SHROOM4: variants seen among roughly 807,000 people sequenced by gnomAD.
The protein encoded by SHROOM4 is shroom family member 4.
SHROOM4 carries 17 observed loss-of-function variants against 80.3 expected under a neutral mutation model. That is an observed-to-expected ratio of 0.21 (90% CI 0.14 to 0.32). The LOEUF is 0.32. Ranked by LOEUF, SHROOM4 falls within the 10% of genes least tolerant of loss-of-function variation. The pLI is 1.00. For missense variants in SHROOM4, 993 were observed against 1,140.3 expected, an observed-to-expected ratio of 0.87 and a Z score of 1.86; for synonymous variants, 400 against 437.5, an observed-to-expected ratio of 0.91 and a Z score of 1.07.
intron 1 of SHROOM4, among the ~76,000 whole-genome samples, chrX:50,733,436 C>G (rs944859264): frequency 4.1e-4 from 46 of 111,533 alleles, no homozygotes; most frequent in Non-Finnish European, 6.8e-4. Context: ...GCTGTTATCA[C>G]TAGATTGAGT....
In SHROOM4 at chrX:50,634,643, G is replaced by T. The variant is rs1931245254; in HGVS notation, c.1430C>A (p.Thr477Asn). Residue 477 changes from threonine (T) to asparagine (N), a missense_variant, in exon 4 of 9, where the codon ACC becomes AAC. By Grantham distance (65) the Thr-to-Asn change is moderately conservative. Coordinates refer to ENST00000376020, the MANE Select transcript of SHROOM4 (RefSeq NM_020717.5). ...THDQSSKERK[T>N]RQVDDRSLVL... The stretch of plus-strand genomic sequence containing the variant: ...TAAAGACCTGTCATCCACTTGTCTG[G>T]TCTTTCTTTCTTTGCTGGACTGGTC... 8.3e-6 allele frequency: 10 copies of T among 1,211,855 alleles called. No individual in the cohort carries two copies. Among genetic ancestry groups the T allele is most frequent in the Non-Finnish European group, 1.1e-5 (10 of 895,586 alleles).
intron 1 of SHROOM4, among the ~76,000 whole-genome samples, chrX:50,712,451 TAACTCAAAGGA>T (rs1933842292): frequency 8.9e-6 from 1 of 112,024 alleles, no homozygotes; most frequent in Non-Finnish European, 1.9e-5. Context: ...GGATTATTTG[TAACTCAAAGGA>T]TAAATGCTTG....
chrX:50,696,030 G>T, intron 1 of SHROOM4, 93 bp from the exon 2 acceptor site: 1 of 1,029,809 alleles, frequency 9.7e-7, no homozygotes, highest in Non-Finnish European at 1.3e-6. Flanking sequence ...GCCACAAGTA[G>T]TACTGGGGAA....
intron 1 of SHROOM4, among the ~76,000 whole-genome samples, chrX:50,812,696 C>T (rs1184623773): frequency 9.0e-6 from 1 of 110,682 alleles, no homozygotes; most frequent in Non-Finnish European, 1.9e-5. Flanking sequence ...GTGTGTGTTG[C>T]GGTGGACGTT....
chrX:50,731,264 A>G (rs2147542814), intron 1 of SHROOM4, among the ~76,000 whole-genome samples: 1 of 110,132 alleles, frequency 9.1e-6, no homozygotes, highest in South Asian at 4.0e-4. Context: ...ATCTGAACAA[A>G]AACTGCCCCC....
At chrX:50,735,994 G>A (rs191155865) in intron 1 of SHROOM4, among the ~76,000 whole-genome samples, 22 of 104,377 alleles carry the variant, frequency 2.1e-4, no homozygotes, top group Admixed American at 6.3e-4. Context: ...GTGACAGAAC[G>A]AGACTGTTTC....
chrX:50,686,089 G>A (rs1178848148), intron 2 of SHROOM4, among the ~76,000 whole-genome samples: 2 of 110,794 alleles, frequency 1.8e-5, no homozygotes, highest in African/African-American at 6.6e-5. Flanking sequence ...GTGCAGTGGC[G>A]TGAGATCTCG....
intron 1 of SHROOM4, among the ~76,000 whole-genome samples, chrX:50,696,221 G>T (rs1408349406): frequency 1.8e-5 from 2 of 111,811 alleles, no homozygotes; most frequent in Non-Finnish European, 3.8e-5. Flanking sequence ...CTGATGCTTG[G>T]AATGAACCCT....
intron 1 of SHROOM4, among the ~76,000 whole-genome samples, chrX:50,813,243 T>A (rs1244791493): frequency 3.6e-5 from 4 of 111,124 alleles, no homozygotes; most frequent in Non-Finnish European, 5.7e-5. Flanking sequence ...GGCGCAAGTT[T>A]CCTCCACACT....
chrX:50,702,385 T>C (rs1331239576), intron 1 of SHROOM4, among the ~76,000 whole-genome samples: 1 of 111,786 alleles, frequency 8.9e-6, no homozygotes, highest in Non-Finnish European at 1.9e-5. Flanking sequence ...AAAGATTTGA[T>C]TGTTCACAGC....
At chrX:50,650,034 G>A (rs782750021) in intron 2 of SHROOM4, among the ~76,000 whole-genome samples, 330 of 112,171 alleles carry the variant, frequency 2.9e-3, no homozygotes, top group Non-Finnish European at 5.1e-3. Context: ...CATTTACATG[G>A]AGGAATAATA....
rs1557247074 is a variant in SHROOM4 at position 50,598,467 on chromosome X, C to T, written c.4011G>A (p.Glu1337=). 1.7e-6 allele frequency: 2 copies of T among 1,207,934 alleles called. No individual in the cohort carries two copies. The highest frequency in any genetic ancestry group is 5.9e-5 in the East Asian group (2 of 33,711). ...CAAGGGCAGAATTGGCATTGATGTC[C>T]TCTAGCAGCCCTCGCTGGGCCTCCC... is the stretch of plus-strand genomic sequence containing the variant. The part of the protein sequence containing the change: ...VLREAQRGLL[E]DINANSALGE... Residue 1337 remains glutamate, a synonymous_variant, in exon 8 of 9, where the codon GAG becomes GAA. Coordinates refer to ENST00000376020, the MANE Select transcript of SHROOM4 (RefSeq NM_020717.5).
chrX:50,606,889 G>A (rs187101662), intron 6 of SHROOM4, among the ~76,000 whole-genome samples: 1 of 109,881 alleles, frequency 9.1e-6, no homozygotes, highest in East Asian at 2.9e-4. Flanking sequence ...GTGGGGGGAC[G>A]AGTTTAGAAG....
Position 50,595,616 on chromosome X carries a change from G to A in SHROOM4, c.*1079C>T, listed in dbSNP as rs1929074547. The A allele has an allele frequency of 4.0e-6, 1 of 247,719 alleles. No homozygotes were observed. Among genetic ancestry groups the A allele is most frequent in the South Asian group, 4.3e-5 (1 of 23,224 alleles). The allele number at this position is 247,719 out of a possible 1,213,427, so 20.4% of individuals were successfully genotyped here. A position where few individuals can be genotyped will look rare whatever the true frequency, so the allele number is the denominator to read the frequency against. Reference sequence around the variant, plus strand: ...GCACAAGGCCAGGCCACAGTAGGGAGGCTCTGAGTTCAAGGGGAAAACTCC... The same window carrying A: ...GCACAAGGCCAGGCCACAGTAGGGAAGCTCTGAGTTCAAGGGGAAAACTCC... On this transcript the variant is annotated 3_prime_UTR_variant, in exon 9 of 9. Coordinates refer to ENST00000376020, the MANE Select transcript of SHROOM4 (RefSeq NM_020717.5).
At chrX:50,765,494 C>T (rs1227638823) in intron 1 of SHROOM4, among the ~76,000 whole-genome samples, 1 of 111,796 alleles carries the variant, frequency 8.9e-6, no homozygotes, top group African/African-American at 3.3e-5. Context: ...TCTAAAATAT[C>T]TCCTTAGTAA....
intron 1 of SHROOM4, among the ~76,000 whole-genome samples, chrX:50,787,505 T>C (rs183406532): frequency 7.5e-4 from 83 of 110,974 alleles, no homozygotes; most frequent in African/African-American, 2.6e-3. Flanking sequence ...TTCAAATAAA[T>C]AGTTGCAAAA....
At chrX:50,636,706 G>A (rs1931374371) in intron 3 of SHROOM4, among the ~76,000 whole-genome samples, 1 of 110,822 alleles carries the variant, frequency 9.0e-6, no homozygotes, top group African/African-American at 3.3e-5. Flanking sequence ...CATCTTTATG[G>A]GACAGATTAT....
chrX:50,634,454 C>A lies in SHROOM4; in HGVS notation c.1619G>T (p.Cys540Phe), dbSNP rs782678789. Residue 540 changes from cysteine (C) to phenylalanine (F), a missense_variant, in exon 4 of 9, where the codon TGT becomes TTT. By Grantham distance (205) the Cys-to-Phe change is radical. Coordinates refer to ENST00000376020, the MANE Select transcript of SHROOM4 (RefSeq NM_020717.5). ...ACTAGCTGCTTTAGTGGTTGAAGAA[C>A]AGTCCGTGGCTTGTTGAACAAGGGA... Reference protein sequence around the residue: ...SGSLVQQATDCSSTTKAASGT... With the variant: ...SGSLVQQATDFSSTTKAASGT... The A allele has an allele frequency of 4.1e-6, 5 of 1,209,754 alleles. No homozygotes were observed. The African/African-American group carries it at 8.8e-5, about 21-fold the overall frequency.
At chrX:50,740,780 TAAC>T (rs782709933) in intron 1 of SHROOM4, among the ~76,000 whole-genome samples, 2 of 111,891 alleles carry the variant, frequency 1.8e-5, no homozygotes, top group African/African-American at 6.5e-5. Flanking sequence ...AATGAGAAAA[TAAC>T]AAAGCCATTT....
Sources: allele counts gnomAD v4.1 joint callset (sites outside exome capture counted in the v4.1 genomes callset), GRCh38; gene constraint gnomAD v4.1.1; transcripts MANE v1.5; gene names NCBI Gene and HGNC (gene_info 2026-07-23, HGNC 2026-07-21).